Variants in XPC observed in about 807,000 individuals in gnomAD.
XPC encodes the protein XPC complex subunit, DNA damage recognition and repair factor, also known as DNA repair protein complementing XP-C cells.
Under a neutral mutation model 95.8 loss-of-function variants are expected in XPC, and 76 were observed. The observed-to-expected ratio is 0.79, with a 90% confidence interval of 0.66 to 0.96. The LOEUF is 0.96. Among genes scored for constraint, XPC ranks in the 40% least tolerant of loss-of-function variants. The pLI is 0.00. For synonymous variants in XPC, 442 were observed against 442.1 expected (o/e 1.00, Z 0.00); for missense variants, 1,146 against 1,179.8 (o/e 0.97, Z 0.42).
chr3:14,158,679 C>A lies in XPC; in HGVS notation c.1204G>T (p.Asp402Tyr). The A allele has an allele frequency of 1.2e-6, 2 of 1,613,914 alleles. No homozygotes were observed. The highest frequency in any genetic ancestry group is 2.2e-5 in the East Asian group (1 of 44,832). Reference sequence around the variant, plus strand: ...TCCTGCTTGTCTCCTGGGCCCTCATCTTCCTCGCTGGAGGAGGGCTTGCTC... The same window carrying A: ...TCCTGCTTGTCTCCTGGGCCCTCATATTCCTCGCTGGAGGAGGGCTTGCTC... ...KRSKPSSSEE[D>Y]EGPGDKQEKA... is the part of the protein sequence containing the mutation. Residue 402 changes from aspartate (D) to tyrosine (Y), a missense_variant, in exon 9 of 16, where the codon GAT becomes TAT. Physicochemically the swap from Asp to Tyr is radical, Grantham distance 160. Coordinates refer to ENST00000285021, the MANE Select transcript of XPC (RefSeq NM_004628.5). This position sits in a 1 kb window ranked among gnomAD's most constrained non-coding sequence, Gnocchi z 5.2.
At chr3:14,147,476 C>T in intron 14 of XPC, 97 bp from the exon 15 acceptor site, 1 of 1,192,154 alleles carries the variant, frequency 8.4e-7, no homozygotes. Flanking sequence ...CAGATATATA[C>T]ACCACTTTAG....
chr3:14,167,169 C>G lies in XPC; in HGVS notation c.621G>C (p.Lys207Asn). The G allele has an allele frequency of 6.3e-7, 1 of 1,596,936 alleles. No individual in the cohort carries two copies. The highest frequency in any genetic ancestry group is 1.1e-5 in the South Asian group (1 of 88,448). Residue 207 changes from lysine to asparagine, a missense_variant and splice_region_variant, in exon 5 of 16, where the codon AAG (lysine) becomes AAC (asparagine). By Grantham distance (94) the Lys-to-Asn change is moderately conservative (BLOSUM62 0). Coordinates refer to ENST00000285021, the MANE Select transcript of XPC (RefSeq NM_004628.5). The stretch of plus-strand genomic sequence containing the variant: ...CTTCCCCATCATTCCTTGCCCTTAC[C>G]TTGTGTGTGTCCTCATGGACCCCTT... ...FNKGVHEDTH[K>N]VHLLCLLANG...
chr3:14,176,904 C>A (rs1696840460), intron 1 of XPC, among the ~76,000 whole-genome samples: 1 of 152,186 alleles, frequency 6.6e-6, no homozygotes, highest in African/African-American at 2.4e-5. Context: ...AGTTTGAGAC[C>A]AGCCTGGCCA....
chr3:14,157,423 C>T (rs1031068354), intron 9 of XPC, among the ~76,000 whole-genome samples: 7 of 152,256 alleles, frequency 4.6e-5, no homozygotes, highest in South Asian at 4.1e-4. Context: ...TACACACAGG[C>T]GGCTCGGGCA....
chr3:14,167,079 A>C (rs1370291300), intron 5 of XPC, 90 bp downstream of exon 5: 11 of 1,196,638 alleles, frequency 9.2e-6, no homozygotes, highest in Non-Finnish European at 1.1e-5. Context: ...CCATGGCCAC[A>C]GAGCAGCAAA....
rs1045895549 is a variant in XPC, at chr3:14,158,126, T to C, written c.1757A>G (p.Asp586Gly). The change falls in exon 9 of 16, where the codon GAC (aspartate) becomes GGC (glycine). Residue 586 changes from aspartate (D) to glycine (G), a missense_variant. Physicochemically the swap from Asp to Gly is moderately conservative, Grantham distance 94. Transcript: ENST00000285021. This position sits in a 1 kb window ranked among gnomAD's most constrained non-coding sequence, Gnocchi z 5.2. Reference protein sequence around the residue: ...GWVRDVTQRYDPVWMTVTRKC... With the variant: ...GWVRDVTQRYGPVWMTVTRKC... ...GCGGGTCACTGTCATCCAGACTGGGTCGTACCTCTGTGTGACATCTCGGAC... is the reference window on the plus strand; with the variant it reads ...GCGGGTCACTGTCATCCAGACTGGGCCGTACCTCTGTGTGACATCTCGGAC... The C allele has an allele frequency of 6.2e-7, 1 of 1,613,898 alleles. No homozygotes were observed. The highest frequency in any genetic ancestry group is 1.1e-5 in the South Asian group (1 of 91,080).
At chr3:14,178,101 T>C (rs1696907698) in intron 1 of XPC, among the ~76,000 whole-genome samples, 1 of 152,254 alleles carries the variant, frequency 6.6e-6, no homozygotes, top group African/African-American at 2.4e-5. Context: ...GAAGTTATCA[T>C]TCGGGAGTCA....
chr3:14,161,575 A>G (rs1696167000), intron 7 of XPC, among the ~76,000 whole-genome samples: 1 of 150,966 alleles, frequency 6.6e-6, no homozygotes, highest in East Asian at 1.9e-4. Context: ...CCAGAGGATC[A>G]TTTCAACTGA....
intron 1 of XPC, among the ~76,000 whole-genome samples, chr3:14,174,355 T>C (rs1018225291): frequency 3.3e-5 from 5 of 149,346 alleles, no homozygotes; most frequent in Non-Finnish European, 7.6e-5. Flanking sequence ...GCCCCTAAAA[T>C]CAAGATTTCT....
chr3:14,174,127 T>C (rs1430458680), intron 1 of XPC, among the ~76,000 whole-genome samples: 2 of 152,202 alleles, frequency 1.3e-5, no homozygotes, highest in Non-Finnish European at 2.9e-5. Flanking sequence ...GAGCATTTAT[T>C]TTAATGTTAG....
At position 14,158,493 on chromosome 3, in the gene XPC, G is replaced by A. The variant is rs997934227; in HGVS notation, c.1390C>T (p.Pro464Ser). 1.9e-6 allele frequency: 3 copies of A among 1,612,038 alleles called. No homozygotes were observed. The highest frequency in any genetic ancestry group is 8.5e-7 in the Non-Finnish European group (1 of 1,178,760). ...GCGGGGGCTTTCCTCTGCTTTGGAG[G>A]GCCAGGTTCGGAATCCTCATCAGAG... Reference protein sequence around the residue: ...DPSDEDSEPGPPKQRKAPAPQ... With the variant: ...DPSDEDSEPGSPKQRKAPAPQ... Residue 464 changes from proline to serine, a missense_variant, in exon 9 of 16, where the codon CCT becomes TCT. Pro to Ser is a moderately conservative substitution (Grantham distance 74). Coordinates refer to ENST00000285021, the MANE Select transcript of XPC (RefSeq NM_004628.5). The surrounding 1 kb of genome is among the most constrained non-coding windows in gnomAD (Gnocchi z 5.2).
At chr3:14,167,832 C>T (rs1299319028) in intron 4 of XPC, among the ~76,000 whole-genome samples, 4 of 152,170 alleles carry the variant, frequency 2.6e-5, no homozygotes, top group Admixed American at 6.5e-5. Context: ...CTCCCTACCA[C>T]GGCGGGCACT....
chr3:14,168,172 C>CT, intron 4 of XPC, 85 bp downstream of exon 4: 1 of 1,486,242 alleles, frequency 6.7e-7, no homozygotes, highest in Non-Finnish European at 8.9e-7. Context: ...TCCTGGTCCC[C>CT]TACAAGTTTC....
intron 7 of XPC, 65 bp from the exon 8 acceptor site, chr3:14,159,895 T>C (rs1475502924): frequency 1.4e-6 from 2 of 1,463,596 alleles, no homozygotes; most frequent in African/African-American, 2.8e-5. Flanking sequence ...GAGTTCAATG[T>C]TGTTTGTTAT....
intron 1 of XPC, among the ~76,000 whole-genome samples, chr3:14,178,025 C>T (rs13083940): frequency 1.3e-5 from 2 of 152,164 alleles, no homozygotes; most frequent in East Asian, 1.9e-4. Context: ...TGTAAGAAGC[C>T]TATCAAATAT....
chr3:14,160,546 A>C (rs1696128844), intron 7 of XPC, among the ~76,000 whole-genome samples: 1 of 152,216 alleles, frequency 6.6e-6, no homozygotes, highest in Non-Finnish European at 1.5e-5. Context: ...TTATGGTGAG[A>C]AAAATGATTG....
chr3:14,145,750 G>T lies in XPC; in HGVS notation c.*191C>A. ...CTGGGTGAATCTGACAAGGGCTGGA[G>T]CCAGACGGGACCTGCAGCACCTCCT... is the stretch of plus-strand genomic sequence containing the variant. On this transcript the variant is annotated 3_prime_UTR_variant, in exon 16 of 16. Transcript: ENST00000285021. 1.3e-6 allele frequency: 1 copy of T among 743,392 alleles called. No homozygotes were observed. Among genetic ancestry groups the T allele is most frequent in the Non-Finnish European group, 2.4e-6 (1 of 424,536 alleles). The allele number at this position is 743,392 out of a possible 1,614,324, so 46.0% of individuals were successfully genotyped here.
chr3:14,167,377 G>T, intron 4 of XPC, 124 bp from the exon 5 acceptor site: 1 of 855,598 alleles, frequency 1.2e-6, no homozygotes, highest in Middle Eastern at 2.3e-4. Context: ...ACACAAGGCT[G>T]TGCTACTCAA....
At position 14,147,357 on chromosome 3, in the gene XPC, C is replaced by T. The variant is rs55779831; in HGVS notation, c.2537G>A (p.Gly846Glu). The change falls in exon 15 of 16, where the codon GGG (glycine) becomes GAG (glutamate). Residue 846 changes from glycine (G) to glutamate (E), a missense_variant. By Grantham distance (98) the Gly-to-Glu change is moderately conservative. Coordinates refer to ENST00000285021, the MANE Select transcript of XPC (RefSeq NM_004628.5). ...EKEKKEKRALGNWKLLAKGLL... is the reference protein window; with the variant it reads ...EKEKKEKRALENWKLLAKGLL... ...ACCTTTGGCCAGCAACTTCCAGTTC[C>T]CTAGAGCCCGCTTCTCCTTTTTCTG... 1 of 1,610,996 alleles carries T rather than the reference C, an allele frequency of 6.2e-7. No individual in the cohort carries two copies.
Sources: gnomAD v4.1 joint callset for allele counts (sites outside exome capture counted in the v4.1 genomes callset) on GRCh38, gnomAD v4.1.1 for gene constraint, Gnocchi (gnomAD v3.1) non-coding constraint, MANE v1.5 for transcripts, NCBI Gene and HGNC (gene_info 2026-07-23, HGNC 2026-07-21) for gene names.